ATG5: variants seen among roughly 807,000 people sequenced by gnomAD.
The protein encoded by ATG5 is autophagy related 5.
In ATG5, 14 loss-of-function variants were observed where a neutral mutation model predicts 36.5. The observed-to-expected ratio is 0.38, with a 90% CI of 0.25 to 0.60. The LOEUF is 0.60. Ranked by LOEUF, ATG5 falls within the 20% of genes least tolerant of loss-of-function variation. ATG5 has a pLI of 0.60. For synonymous variants in ATG5, 95 were observed against 101.5 expected (o/e 0.94, Z 0.38); for missense variants, 195 against 326.7 (o/e 0.60, Z 3.11).
At position 106,185,485 on chromosome 6, in the gene ATG5, T is replaced by C. The variant is rs1410258397; in HGVS notation, c.*1055A>G. 2 of 152,340 alleles carry C rather than the reference T, an allele frequency of 1.3e-5. No individual in the cohort carries two copies. The highest frequency in any genetic ancestry group is 2.1e-4 in the South Asian group (1 of 4,828). 9.4% of individuals were successfully genotyped at this position (152,340 alleles called of 1,614,324 possible). ...TAAGAACTCCAGTAACCTCTGGATATTTTTGGTAAAAATTAAAGAAAAGGT... is the reference window on the plus strand; with the variant it reads ...TAAGAACTCCAGTAACCTCTGGATACTTTTGGTAAAAATTAAAGAAAAGGT... On this transcript the variant is annotated 3_prime_UTR_variant, in exon 8 of 8. Transcript: ENST00000369076.
At chr6:106,218,513 CTAA>C (rs1414708443) in intron 6 of ATG5, among the ~76,000 whole-genome samples, 11 of 152,132 alleles carry the variant, frequency 7.2e-5, no homozygotes, top group Admixed American at 6.5e-4. Flanking sequence ...ACTAAAAACT[CTAA>C]TAATGGTTGG....
intron 6 of ATG5, among the ~76,000 whole-genome samples, chr6:106,235,531 A>T (rs1468568068): frequency 6.6e-6 from 1 of 152,152 alleles, no homozygotes; most frequent in Non-Finnish European, 1.5e-5. Context: ...AAGAATCCCA[A>T]AGCCTAGCTG....
rs1485508522 is a variant in ATG5, at chr6:106,308,385, T to C, written c.215A>G (p.Tyr72Cys). Reference sequence around the variant, plus strand: ...TCACCATTTCAGTGGTGTGCCTTCATATTCAAACCATATCTCACTAATGTC... The same window carrying C: ...TCACCATTTCAGTGGTGTGCCTTCACATTCAAACCATATCTCACTAATGTC... ...QEDISEIWFE[Y>C]EGTPLKWHYP... Residue 72 changes from tyrosine (Y) to cysteine (C), a missense_variant, in exon 3 of 8, where the codon TAT becomes TGT. By Grantham distance (194) the Tyr-to-Cys change is radical (BLOSUM62 -2). Coordinates refer to ENST00000369076, the MANE Select transcript of ATG5 (RefSeq NM_004849.4). 6 of 1,582,744 alleles carry C rather than the reference T, an allele frequency of 3.8e-6. No individual in the cohort carries two copies. The African/African-American group carries it at 4.1e-5, about 11-fold the overall frequency.
At chr6:106,292,749 C>T (rs113928936) in intron 4 of ATG5, among the ~76,000 whole-genome samples, 1 of 152,208 alleles carries the variant, frequency 6.6e-6, no homozygotes, top group Admixed American at 6.5e-5. Flanking sequence ...GGATTACAGG[C>T]GTGAGCCACC....
chr6:106,300,366 A>C (rs997906295), intron 3 of ATG5, among the ~76,000 whole-genome samples: 1 of 152,212 alleles, frequency 6.6e-6, no homozygotes, highest in African/African-American at 2.4e-5. Flanking sequence ...TAAAATGTTA[A>C]ATGTTTTTTA....
chr6:106,271,096 C>T (rs1240190946), intron 5 of ATG5, among the ~76,000 whole-genome samples: 1 of 152,168 alleles, frequency 6.6e-6, no homozygotes, highest in African/African-American at 2.4e-5. Flanking sequence ...GCTTAAAAGT[C>T]CTCCAATAGC....
At chr6:106,275,060 T>C (rs564908118) in intron 5 of ATG5, among the ~76,000 whole-genome samples, 61 of 152,296 alleles carry the variant, frequency 4.0e-4, no homozygotes, top group African/African-American at 1.5e-3. Context: ...TAATGTCAGA[T>C]ATACACAAGG....
At chr6:106,200,539 A>G (rs1435214520) in intron 7 of ATG5, among the ~76,000 whole-genome samples, 1 of 150,910 alleles carries the variant, frequency 6.6e-6, no homozygotes, top group Non-Finnish European at 1.5e-5. Flanking sequence ...CAGTGGCATG[A>G]TCTTGGCTCA....
chr6:106,285,087 CTG>C (rs930915691), intron 4 of ATG5, among the ~76,000 whole-genome samples: 2 of 152,270 alleles, frequency 1.3e-5, no homozygotes, highest in East Asian at 3.9e-4. Context: ...CCCAGAGGCT[CTG>C]TTTTTCCTCT....
chr6:106,293,701 T>C (rs1260901563), intron 3 of ATG5, among the ~76,000 whole-genome samples: 1 of 152,228 alleles, frequency 6.6e-6, no homozygotes, highest in Non-Finnish European at 1.5e-5. Context: ...AATATTCTTC[T>C]GAAACCTAAT....
intron 2 of ATG5, among the ~76,000 whole-genome samples, chr6:106,314,719 G>A (rs59028211): frequency 0.025 from 3,743 of 151,536 alleles, 66 homozygotes; most frequent in African/African-American, 0.05. Context: ...GCAAAAACTT[G>A]TTTGGAAAAA....
chr6:106,262,469 CA>C (rs1314163154), intron 5 of ATG5, among the ~76,000 whole-genome samples: 1 of 151,862 alleles, frequency 6.6e-6, no homozygotes, highest in Non-Finnish European at 1.5e-5. Flanking sequence ...ACAGACAAAA[CA>C]AAAAAGGATT....
intron 5 of ATG5, among the ~76,000 whole-genome samples, chr6:106,256,084 A>G (rs1168636563): frequency 6.6e-6 from 1 of 152,242 alleles, no homozygotes; most frequent in Non-Finnish European, 1.5e-5. Context: ...AGGTAAAAAC[A>G]AAAATATTTT....
At chr6:106,216,749 G>C in intron 6 of ATG5, among the ~76,000 whole-genome samples, 1 of 152,134 alleles carries the variant, frequency 6.6e-6, no homozygotes. Flanking sequence ...GCTGAGCATA[G>C]TGGCTATAGT....
In ATG5 at chr6:106,319,913, T is replaced by C. The variant is rs76021650; in HGVS notation, c.-58-3647A>G. ...CAGAACCAAACAGAATCCCAAAAAATGAGGTAAGCAGGTGAGATTAGATAA... is the reference window on the plus strand; with the variant it reads ...CAGAACCAAACAGAATCCCAAAAAACGAGGTAAGCAGGTGAGATTAGATAA... On this transcript the variant is annotated intron_variant, in intron 1 of 7. Transcript: ENST00000369076. Among the ~76,000 whole-genome samples, 975 of 152,300 alleles carry C rather than the reference T, an allele frequency of 6.4e-3. 11 individuals are homozygous for C. Among genetic ancestry groups the C allele is most frequent in the African/African-American group, 0.022 (909 of 41,568 alleles).
intron 6 of ATG5, among the ~76,000 whole-genome samples, chr6:106,242,034 C>T (rs1244616796): frequency 6.6e-6 from 1 of 152,088 alleles, no homozygotes; most frequent in Non-Finnish European, 1.5e-5. Context: ...GAAGCAACTC[C>T]AGCAGATGAA....
intron 5 of ATG5, among the ~76,000 whole-genome samples, chr6:106,269,132 C>T (rs1779341297): frequency 6.6e-6 from 1 of 152,148 alleles, no homozygotes; most frequent in Non-Finnish European, 1.5e-5. Context: ...ACTAGATTAG[C>T]TAGATACAAA....
intron 1 of ATG5, among the ~76,000 whole-genome samples, chr6:106,317,800 C>T (rs1403830861): frequency 6.6e-6 from 1 of 152,178 alleles, no homozygotes; most frequent in African/African-American, 2.4e-5. Flanking sequence ...ATAGGAAAGA[C>T]CTCACTACGT....
chr6:106,246,913 C>T (rs1028177297), intron 6 of ATG5, among the ~76,000 whole-genome samples: 3 of 152,184 alleles, frequency 2.0e-5, no homozygotes, highest in Non-Finnish European at 4.4e-5. Context: ...ATTCAAATGC[C>T]GGGCACTTTT....
Sources: allele counts gnomAD v4.1 joint callset (sites outside exome capture counted in the v4.1 genomes callset), GRCh38; gene constraint gnomAD v4.1.1; transcripts MANE v1.5; gene names NCBI Gene and HGNC (gene_info 2026-07-23, HGNC 2026-07-21).